The following RFFL variants were observed in gnomAD, a reference collection of about 807,000 sequenced individuals.
The protein encoded by RFFL is ring finger and FYVE like domain containing E3 ubiquitin protein ligase.
In RFFL, 16 loss-of-function variants were observed where a neutral mutation model predicts 40.4. The observed-to-expected ratio is 0.40, with a 90% CI of 0.27 to 0.60. The LOEUF (loss-of-function observed/expected upper bound fraction) is 0.60, where lower values mean the gene tolerates loss of function less well. Ranked by LOEUF, RFFL falls within the 20% of genes least tolerant of loss-of-function variation. RFFL has a pLI of 0.47. For synonymous variants in RFFL, 154 were observed against 167.9 expected (o/e 0.92, Z 0.64); for missense variants, 367 against 451.7 (o/e 0.81, Z 1.70).
chr17:35,072,208 G>C (rs1303836751), intron 1 of RFFL, among the ~76,000 whole-genome samples: 1 of 151,294 alleles, frequency 6.6e-6, no homozygotes, highest in Non-Finnish European at 1.5e-5. Flanking sequence ...TTGAGCTAGA[G>C]AGGCAGAGGT....
At chr17:35,048,853 C>T (rs142992042) in intron 1 of RFFL, among the ~76,000 whole-genome samples, 1 of 152,190 alleles carries the variant, frequency 6.6e-6, no homozygotes, top group African/African-American at 2.4e-5. Context: ...AGACCTTTAG[C>T]TTGGTTTGAT....
intron 1 of RFFL, among the ~76,000 whole-genome samples, chr17:35,046,389 C>T (rs1398331414): frequency 1.3e-5 from 2 of 152,102 alleles, no homozygotes; most frequent in African/African-American, 4.8e-5. Flanking sequence ...AAAATAAAGA[C>T]ATGCTAGAAA....
chr17:35,079,822 C>T (rs1567718590), intron 1 of RFFL, among the ~76,000 whole-genome samples: 1 of 152,116 alleles, frequency 6.6e-6, no homozygotes, highest in African/African-American at 2.4e-5. Context: ...ATCCCTCTTC[C>T]CACCCTCTCA....
At chr17:35,024,081 C>T (rs1457774089) in intron 2 of RFFL, among the ~76,000 whole-genome samples, 2 of 152,194 alleles carry the variant, frequency 1.3e-5, no homozygotes, top group East Asian at 1.9e-4. Context: ...AGGCAACCAA[C>T]ATGCCTGCAG....
At position 35,048,226 on chromosome 17, in the gene RFFL, C is replaced by G. The variant is rs558987948; in HGVS notation, c.-9+15350G>C. Among the ~76,000 whole-genome samples the G allele has an allele frequency of 3.4e-4, 51 of 151,634 alleles. 2 individuals are homozygous for G. The South Asian group carries it at 0.01, about 30-fold the overall frequency. On this transcript the variant is annotated intron_variant, in intron 1 of 6. Coordinates refer to ENST00000394597, the MANE Select transcript of RFFL (RefSeq NM_001017368.2). The stretch of plus-strand genomic sequence containing the variant: ...GACCATCCTGGCTAACACGGTGAAA[C>G]CCCGTCTCTACTAAAAATACAAAAA...
Position 35,014,692 on chromosome 17 carries a change from A to G in RFFL, c.910+48T>C, listed in dbSNP as rs577339382. The G allele has an allele frequency of 3.5e-5, 55 of 1,564,844 alleles. No homozygotes were observed. In the South Asian group the frequency reaches 5.6e-4, roughly 16 times the overall value. ...AAAGGGATTGGGGTTGAAGGAGGGGAAGGACAAAAGGGCCTAAGCCCATTC... is the reference window on the plus strand; with the variant it reads ...AAAGGGATTGGGGTTGAAGGAGGGGGAGGACAAAAGGGCCTAAGCCCATTC... On this transcript the variant is annotated intron_variant, in intron 6 of 6. Coordinates refer to ENST00000394597, the MANE Select transcript of RFFL (RefSeq NM_001017368.2).
At chr17:35,038,869 A>G (rs976169148) in intron 1 of RFFL, among the ~76,000 whole-genome samples, 7 of 152,194 alleles carry the variant, frequency 4.6e-5, no homozygotes, top group African/African-American at 1.7e-4. Flanking sequence ...TATAATTTAT[A>G]TACTTCTCTA....
intron 1 of RFFL, among the ~76,000 whole-genome samples, chr17:35,032,514 A>C (rs1328245620): frequency 6.6e-6 from 1 of 152,082 alleles, no homozygotes; most frequent in Non-Finnish European, 1.5e-5. Context: ...AGATGGTGGA[A>C]TTACTTACTG....
At chr17:35,081,665 A>T (rs1181589045) in intron 1 of RFFL, among the ~76,000 whole-genome samples, 1 of 152,206 alleles carries the variant, frequency 6.6e-6, no homozygotes, top group Non-Finnish European at 1.5e-5. Flanking sequence ...TGAATAAGAC[A>T]TCTTAAAAAA....
At chr17:35,032,800 A>G (rs1341361807) in intron 1 of RFFL, among the ~76,000 whole-genome samples, 1 of 152,024 alleles carries the variant, frequency 6.6e-6, no homozygotes, top group Non-Finnish European at 1.5e-5. Context: ...AGAAAAGAGG[A>G]AAAAAGAATG....
intron 1 of RFFL, chr17:35,069,438 T>A (rs1597840528): frequency 2.3e-6 from 1 of 429,206 alleles, no homozygotes; most frequent in East Asian, 7.1e-5. Flanking sequence ...AATAAAAGGA[T>A]ACGACTGCAC....
rs1419153956 is a variant in RFFL, at chr17:35,061,701, G to C, written c.-9+1875C>G. 2.6e-5 allele frequency among the ~76,000 whole-genome samples: 3 copies of C among 117,440 alleles called. No homozygotes were observed. In the Admixed American group the frequency reaches 2.7e-4, roughly 11 times the overall value. The allele number at this position is 117,440 out of a possible 152,430, so 77.0% of individuals were successfully genotyped here. Reference sequence around the variant, plus strand: ...TGGTCTCAAACTCTTTTTTTTTTTTGATATGGAGTCTCACTGTTGCTCAGG... The same window carrying C: ...TGGTCTCAAACTCTTTTTTTTTTTTCATATGGAGTCTCACTGTTGCTCAGG... On this transcript the variant is annotated intron_variant, in intron 1 of 6. Transcript: ENST00000394597.
intron 1 of RFFL, among the ~76,000 whole-genome samples, chr17:35,070,043 C>A (rs189898275): frequency 2.6e-5 from 4 of 151,624 alleles, no homozygotes; most frequent in Admixed American, 2.0e-4. Flanking sequence ...ACATACACAC[C>A]GAGAGAGGGA....
chr17:35,070,617 C>G (rs991830067), intron 1 of RFFL, among the ~76,000 whole-genome samples: 6 of 152,120 alleles, frequency 3.9e-5, no homozygotes, highest in Non-Finnish European at 7.4e-5. Context: ...AAGAAATTCA[C>G]AGTTTTGAAA....
chr17:35,075,601 ATTGT>A (rs776189508), intron 1 of RFFL, among the ~76,000 whole-genome samples: 1 of 152,198 alleles, frequency 6.6e-6, no homozygotes, highest in Non-Finnish European at 1.5e-5. Context: ...CAGTTTCATT[ATTGT>A]TTAACTACCA....
chr17:35,039,443 C>A (rs929032289), intron 1 of RFFL, among the ~76,000 whole-genome samples: 1 of 152,092 alleles, frequency 6.6e-6, no homozygotes, highest in Non-Finnish European at 1.5e-5. Flanking sequence ...TGGTCTTGAT[C>A]TCCTAACGTC....
chr17:35,021,622 TGA>T lies in RFFL; in HGVS notation c.338_339del (p.Leu113GlnfsTer4). 2 of 1,614,198 alleles carry T rather than the reference TGA, an allele frequency of 1.2e-6. No homozygotes were observed. The highest frequency in any genetic ancestry group is 1.7e-6 in the Non-Finnish European group (2 of 1,180,016). ...ATTTCGGTAGAGATGTCATGGAGGC[TGA>T]GATAGTCCCTCAAGTCCTTCACCTT... ...KMKVKDLRDYLSLHDISTEMC... is the reference protein window; with the variant it reads ...KMKVKDLRDYXSLHDISTEMC... On this transcript the variant is annotated frameshift_variant, in exon 3 of 7. Coordinates refer to ENST00000394597, the MANE Select transcript of RFFL (RefSeq NM_001017368.2). LOFTEE classifies it high-confidence loss of function.
At chr17:35,015,847 C>T (rs988554860) in intron 5 of RFFL, among the ~76,000 whole-genome samples, 1 of 151,942 alleles carries the variant, frequency 6.6e-6, no homozygotes, top group African/African-American at 2.4e-5. Context: ...CTCATTTAAC[C>T]ACAGACCCAG....
At chr17:35,062,501 G>A (rs1259519792) in intron 1 of RFFL, among the ~76,000 whole-genome samples, 4 of 152,094 alleles carry the variant, frequency 2.6e-5, no homozygotes, top group South Asian at 4.1e-4. Context: ...TATGTGCAAC[G>A]TACCATGGAT....
Sources: gnomAD v4.1 joint callset for allele counts (sites outside exome capture counted in the v4.1 genomes callset) on GRCh38, gnomAD v4.1.1 for gene constraint, MANE v1.5 for transcripts, NCBI Gene and HGNC (gene_info 2026-07-23, HGNC 2026-07-21) for gene names.